PACSIN2: variants seen among roughly 807,000 people sequenced by gnomAD.
PACSIN2 encodes the protein protein kinase C and casein kinase substrate in neurons 2.
PACSIN2 carries 25 observed loss-of-function variants against 63.8 expected under a neutral mutation model. That is an observed-to-expected ratio of 0.39 (90% CI 0.29 to 0.55). The LOEUF is 0.55. Among genes scored for constraint, PACSIN2 ranks in the 20% least tolerant of loss-of-function variants. PACSIN2 has a pLI of 0.62. For synonymous variants in PACSIN2, 255 were observed against 256.2 expected (o/e 1.00, Z 0.05); for missense variants, 518 against 646.9 (o/e 0.80, Z 2.16).
intron 1 of PACSIN2, among the ~76,000 whole-genome samples, chr22:42,955,836 T>C (rs1244777342): frequency 6.6e-6 from 1 of 152,216 alleles, no homozygotes; most frequent in Non-Finnish European, 1.5e-5. Flanking sequence ...TGGTGATCAG[T>C]CTACTACGCC....
chr22:42,973,757 T>TC (rs1326491670), intron 1 of PACSIN2, among the ~76,000 whole-genome samples: 1 of 152,144 alleles, frequency 6.6e-6, no homozygotes, highest in Non-Finnish European at 1.5e-5. Flanking sequence ...CCTGGGCCCA[T>TC]CCTCCACTCC....
chr22:42,980,319 GC>G (rs1275416392), intron 1 of PACSIN2, among the ~76,000 whole-genome samples: 1 of 152,182 alleles, frequency 6.6e-6, no homozygotes, highest in Admixed American at 6.5e-5. Flanking sequence ...TTCAAGAACA[GC>G]CTGAACAACA....
chr22:42,962,796 A>G (rs1920927621), intron 1 of PACSIN2, among the ~76,000 whole-genome samples: 1 of 141,300 alleles, frequency 7.1e-6, no homozygotes, highest in African/African-American at 2.9e-5. Flanking sequence ...GGCGGCGCAG[A>G]AAAAGAAAAC....
At chr22:42,952,897 C>G (rs1459836142) in intron 1 of PACSIN2, among the ~76,000 whole-genome samples, 1 of 152,070 alleles carries the variant, frequency 6.6e-6, no homozygotes, top group Admixed American at 6.5e-5. Flanking sequence ...AACTCCTGAC[C>G]TCAAGTGATC....
At chr22:42,953,416 G>A (rs1194070749) in intron 1 of PACSIN2, among the ~76,000 whole-genome samples, 1 of 152,190 alleles carries the variant, frequency 6.6e-6, no homozygotes, top group African/African-American at 2.4e-5. Context: ...AAAATTACAT[G>A]TCTATGCAAA....
intron 1 of PACSIN2, among the ~76,000 whole-genome samples, chr22:43,009,792 C>T (rs1490182346): frequency 6.6e-6 from 1 of 151,952 alleles, no homozygotes; most frequent in East Asian, 1.9e-4. Flanking sequence ...ACAGCAAAAT[C>T]TCTAGCCTTA....
intron 1 of PACSIN2, among the ~76,000 whole-genome samples, chr22:42,932,963 A>C (rs1050368226): frequency 2.0e-5 from 3 of 152,264 alleles, no homozygotes; most frequent in Non-Finnish European, 4.4e-5. Flanking sequence ...CAACTGTGTT[A>C]GGAGACGAAA....
chr22:42,912,576 T>G (rs796379583), intron 1 of PACSIN2, among the ~76,000 whole-genome samples: 7 of 152,298 alleles, frequency 4.6e-5, no homozygotes, highest in African/African-American at 1.7e-4. Context: ...CTTTACTGAC[T>G]CCGCCACTGA....
chr22:42,881,605 G>T (rs1008093384), intron 7 of PACSIN2, among the ~76,000 whole-genome samples: 1 of 152,240 alleles, frequency 6.6e-6, no homozygotes, highest in Non-Finnish European at 1.5e-5. Flanking sequence ...CCAAGGGCTA[G>T]GTGAGTCCTG....
chr22:42,915,088 A>T (rs1208444763), intron 1 of PACSIN2, among the ~76,000 whole-genome samples: 1 of 152,102 alleles, frequency 6.6e-6, no homozygotes, highest in Non-Finnish European at 1.5e-5. Flanking sequence ...GACTGGTCTC[A>T]AACTCCTGGG....
At chr22:42,916,676 T>G (rs1601515098) in intron 1 of PACSIN2, among the ~76,000 whole-genome samples, 1 of 151,978 alleles carries the variant, frequency 6.6e-6, no homozygotes, top group Non-Finnish European at 1.5e-5. Context: ...CTCCCATCCC[T>G]CCCAGCACTG....
intron 7 of PACSIN2, chr22:42,880,641 A>C (rs573317376): frequency 6.6e-6 from 1 of 152,356 alleles, no homozygotes; most frequent in East Asian, 1.9e-4. Context: ...ATGAAAAATA[A>C]AAACAAAGAA....
rs5759092 is a variant in PACSIN2 at position 43,013,200 on chromosome 22, G to T, written c.-78+1821C>A. On this transcript the variant is annotated intron_variant, in intron 1 of 10. Transcript: ENST00000263246. ...CTAAGGATACCATTTCCATTCAAAT[G>T]AGTTGTTATTCTTCTCCCAAAAAGT... 0.015 allele frequency among the ~76,000 whole-genome samples: 2,272 copies of T among 152,328 alleles called. 106 individuals carry two copies. In the East Asian group the frequency reaches 0.18, roughly 12 times the overall value.
At chr22:42,874,832 G>A (rs1432151473) in intron 10 of PACSIN2, among the ~76,000 whole-genome samples, 2 of 150,770 alleles carry the variant, frequency 1.3e-5, no homozygotes, top group Non-Finnish European at 2.9e-5. Context: ...CTATTTCTGA[G>A]TCTTGGCATT....
At chr22:42,999,744 C>G (rs1923646544) in intron 1 of PACSIN2, among the ~76,000 whole-genome samples, 2 of 152,196 alleles carry the variant, frequency 1.3e-5, no homozygotes, top group Non-Finnish European at 2.9e-5. Context: ...CAGTCACTCC[C>G]TAACTTGCTG....
intron 1 of PACSIN2, among the ~76,000 whole-genome samples, chr22:42,945,626 C>G (rs1276657670): frequency 6.6e-6 from 1 of 152,158 alleles, no homozygotes; most frequent in African/African-American, 2.4e-5. Context: ...ACCCAACCCC[C>G]CTCACCACTA....
intron 2 of PACSIN2, among the ~76,000 whole-genome samples, chr22:42,901,457 C>A (rs908848800): frequency 6.6e-5 from 10 of 152,238 alleles, no homozygotes; most frequent in Admixed American, 4.6e-4. Flanking sequence ...AACAAGACCT[C>A]CTTCCCTTCA....
At chr22:42,934,256 A>C (rs905211373) in intron 1 of PACSIN2, among the ~76,000 whole-genome samples, 2 of 152,266 alleles carry the variant, frequency 1.3e-5, no homozygotes, top group South Asian at 2.1e-4. Flanking sequence ...ACCGAGGCCC[A>C]GAGTATGCTC....
chr22:43,010,356 T>G (rs1924382831), intron 1 of PACSIN2, among the ~76,000 whole-genome samples: 1 of 143,866 alleles, frequency 7.0e-6, no homozygotes, highest in Non-Finnish European at 1.5e-5. Context: ...CTGGCAAACA[T>G]GGCGGAATCC....
Sources: allele counts gnomAD v4.1 joint callset (sites outside exome capture counted in the v4.1 genomes callset), GRCh38; gene constraint gnomAD v4.1.1; transcripts MANE v1.5; gene names NCBI Gene and HGNC (gene_info 2026-07-23, HGNC 2026-07-21).